Variants in PDE3A observed in about 807,000 individuals in gnomAD.
The protein encoded by PDE3A is cGMP-inhibited 3',5'-cyclic phosphodiesterase 3A.
In PDE3A, 43 loss-of-function variants were observed where a neutral mutation model predicts 98.3. That is an observed-to-expected ratio of 0.44 (90% CI 0.34 to 0.56). The LOEUF is 0.56. Among genes scored for constraint, PDE3A ranks in the 20% least tolerant of loss-of-function variants. The pLI, the probability that PDE3A is intolerant of heterozygous loss-of-function variation, is 0.01. For missense variants in PDE3A, 1,427 were observed against 1,440.7 expected, an observed-to-expected ratio of 0.99 and a Z score of 0.15; for synonymous variants, 663 against 567.9, an observed-to-expected ratio of 1.17 and a Z score of -2.38.
chr12:20,518,973 A>G lies in PDE3A; in HGVS notation c.961-37687A>G, dbSNP rs536641575. Among the ~76,000 whole-genome samples, 8 of 152,292 alleles carry G rather than the reference A, an allele frequency of 5.3e-5. No homozygotes were observed. The South Asian group carries it at 1.2e-3, about 24-fold the overall frequency. Reference sequence around the variant, plus strand: ...TTCATTTCATTTAATTGAAATTGCTACATGTGGCAGATAGTCATTGTATTG... The same window carrying G: ...TTCATTTCATTTAATTGAAATTGCTGCATGTGGCAGATAGTCATTGTATTG... On this transcript the variant is annotated intron_variant, in intron 1 of 15. Coordinates refer to ENST00000359062, the MANE Select transcript of PDE3A (RefSeq NM_000921.5).
chr12:20,443,528 A>G (rs1944904061), intron 1 of PDE3A, among the ~76,000 whole-genome samples: 1 of 152,198 alleles, frequency 6.6e-6, no homozygotes. Context: ...TGTTTCCTTC[A>G]AAAAATTTGA....
At chr12:20,527,954 T>G (rs1278716825) in intron 1 of PDE3A, among the ~76,000 whole-genome samples, 1 of 152,030 alleles carries the variant, frequency 6.6e-6, no homozygotes, top group Non-Finnish European at 1.5e-5. Context: ...CAAAAAACTT[T>G]CTCAGGCTCT....
chr12:20,600,627 A>T (rs542433995), intron 2 of PDE3A, among the ~76,000 whole-genome samples: 2 of 152,208 alleles, frequency 1.3e-5, no homozygotes, highest in South Asian at 2.1e-4. Context: ...TACTCTTTTC[A>T]TGTATGTACC....
chr12:20,371,615 T>G (rs1447596438), intron 1 of PDE3A: 1 of 177,988 alleles, frequency 5.6e-6, no homozygotes, highest in African/African-American at 2.4e-5. Flanking sequence ...TTGACATTAT[T>G]GAGCAGAGTA....
intron 1 of PDE3A, among the ~76,000 whole-genome samples, chr12:20,448,242 C>T (rs1565552574): frequency 6.6e-6 from 1 of 152,108 alleles, no homozygotes; most frequent in Admixed American, 6.5e-5. Flanking sequence ...GATTTCGAGA[C>T]CAGCCTGGCC....
chr12:20,475,169 A>ATG (rs773174440), intron 1 of PDE3A, among the ~76,000 whole-genome samples: 1,211 of 96,434 alleles, frequency 0.013, 24 homozygotes, highest in South Asian at 0.038. Context: ...AGAGGAAAAA[A>ATG]TGTGTGTGAG....
intron 1 of PDE3A, among the ~76,000 whole-genome samples, chr12:20,427,075 G>T (rs1045982158): frequency 6.6e-6 from 1 of 152,088 alleles, no homozygotes; most frequent in African/African-American, 2.4e-5. Flanking sequence ...GATGAAGAAG[G>T]GACACAGGGT....
intron 1 of PDE3A, among the ~76,000 whole-genome samples, chr12:20,474,053 G>T (rs2120978510): frequency 6.6e-6 from 1 of 152,202 alleles, no homozygotes; most frequent in South Asian, 2.1e-4. Flanking sequence ...TTCCTAAATA[G>T]AATCAAAGTA....
intron 1 of PDE3A, among the ~76,000 whole-genome samples, chr12:20,471,454 C>T (rs967711051): frequency 1.3e-5 from 2 of 152,136 alleles, no homozygotes; most frequent in Non-Finnish European, 2.9e-5. Flanking sequence ...CTGAATTTAT[C>T]CCTTTTCCTC....
At chr12:20,509,051 A>T (rs930757910) in intron 1 of PDE3A, among the ~76,000 whole-genome samples, 1 of 151,996 alleles carries the variant, frequency 6.6e-6, no homozygotes, top group African/African-American at 2.4e-5. Flanking sequence ...ACCGTATCTC[A>T]AACTGCCCTT....
At chr12:20,455,634 G>T (rs548460534) in intron 1 of PDE3A, among the ~76,000 whole-genome samples, 7 of 152,294 alleles carry the variant, frequency 4.6e-5, no homozygotes, top group African/African-American at 1.7e-4. Context: ...AGGGTAGGCT[G>T]CCTTTCAGTA....
chr12:20,627,179 G>C (rs1462489121), intron 5 of PDE3A, among the ~76,000 whole-genome samples: 1 of 145,800 alleles, frequency 6.9e-6, no homozygotes, highest in Non-Finnish European at 1.5e-5. Context: ...GTAGAAAACT[G>C]TCCCAAAACT....
At chr12:20,610,930 T>A (rs1592109252) in intron 2 of PDE3A, among the ~76,000 whole-genome samples, 1 of 151,920 alleles carries the variant, frequency 6.6e-6, no homozygotes, top group Admixed American at 6.6e-5. Context: ...GGACAAAAGA[T>A]ACAAAGTAGC....
chr12:20,676,498 C>CTTT lies in PDE3A; in HGVS notation c.3185-3515_3185-3513dup, dbSNP rs60887487. 9.3e-4 allele frequency among the ~76,000 whole-genome samples: 102 copies of CTTT among 109,194 alleles called. 4 individuals are homozygous for CTTT. The highest frequency in any genetic ancestry group is 1.1e-3 in the Non-Finnish European group (61 of 56,244). The allele number at this position is 109,194 out of a possible 152,430, so 71.6% of individuals were successfully genotyped here. Reference sequence around the variant, plus strand: ...TTTTTAGAACTCTCTATGTCTTTGACTTTTTTTTTTTTTTTTTTTGAGATG... The same window carrying CTTT: ...TTTTTAGAACTCTCTATGTCTTTGACTTTTTTTTTTTTTTTTTTTTTTGAGATG... On this transcript the variant is annotated intron_variant, in intron 15 of 15. Transcript: ENST00000359062.
At chr12:20,463,196 A>G (rs888985368) in intron 1 of PDE3A, among the ~76,000 whole-genome samples, 2 of 152,212 alleles carry the variant, frequency 1.3e-5, no homozygotes, top group African/African-American at 4.8e-5. Context: ...GAGAATAAAC[A>G]TGAAAATAAC....
intron 15 of PDE3A, among the ~76,000 whole-genome samples, chr12:20,675,754 A>G (rs1945619921): frequency 6.6e-6 from 1 of 152,156 alleles, no homozygotes; most frequent in African/African-American, 2.4e-5. Context: ...TTTCTGTTTC[A>G]TCTAATATAA....
In PDE3A at chr12:20,552,814, G is replaced by C. The variant is rs775574107; in HGVS notation, c.961-3846G>C. 92 of 1,613,852 alleles carry C rather than the reference G, an allele frequency of 5.7e-5. No individual in the cohort carries two copies. Among genetic ancestry groups the C allele is most frequent in the Non-Finnish European group, 7.7e-5 (91 of 1,179,894 alleles). ...GACGTTCCAGTGTATCTGCTGTCAG[G>C]AGCTGGTGTTCCGGCCCATCACGAC... On this transcript the variant is annotated intron_variant, in intron 1 of 15. Coordinates refer to ENST00000359062, the MANE Select transcript of PDE3A (RefSeq NM_000921.5). This position sits in a 1 kb window ranked among gnomAD's most constrained non-coding sequence, Gnocchi z 5.1.
At chr12:20,475,278 C>T (rs937073470) in intron 1 of PDE3A, among the ~76,000 whole-genome samples, 1 of 151,158 alleles carries the variant, frequency 6.6e-6, no homozygotes, top group Non-Finnish European at 1.5e-5. Flanking sequence ...AAATCGGTAG[C>T]ATGTCCAAGC....
At chr12:20,673,860 TAAAAAAA>T (rs138273599) in intron 15 of PDE3A, among the ~76,000 whole-genome samples, 1 of 151,236 alleles carries the variant, frequency 6.6e-6, no homozygotes, top group Non-Finnish European at 1.5e-5. Context: ...AAAATAAAAA[TAAAAAAA>T]ATAAAAATAA....
Sources: gnomAD v4.1 joint callset for allele counts (sites outside exome capture counted in the v4.1 genomes callset) on GRCh38, gnomAD v4.1.1 for gene constraint, Gnocchi (gnomAD v3.1) non-coding constraint, MANE v1.5 for transcripts, NCBI Gene and HGNC (gene_info 2026-07-23, HGNC 2026-07-21) for gene names.